Variants in BCAR3 observed in about 807,000 individuals in gnomAD.
BCAR3 encodes breast cancer anti-estrogen resistance protein 3.
Under a neutral mutation model 80.1 loss-of-function variants are expected in BCAR3, and 37 were observed. The observed-to-expected ratio is 0.46, with a 90% CI of 0.36 to 0.61. BCAR3 has a LOEUF of 0.61. Among genes scored for constraint, BCAR3 ranks in the 20% least tolerant of loss-of-function variants. The probability of loss-of-function intolerance (pLI) is 0.00; values close to 1 mark genes in which losing one functional copy is unlikely to be tolerated. For synonymous variants in BCAR3, 389 were observed against 418.9 expected, an observed-to-expected ratio of 0.93 and a Z score of 0.87; for missense variants, 978 against 1,068.2, an observed-to-expected ratio of 0.92 and a Z score of 1.18.
chr1:93,790,808 C>G (rs1271984583), intron 2 of BCAR3, among the ~76,000 whole-genome samples: 1 of 84,842 alleles, frequency 1.2e-5, no homozygotes, highest in African/African-American at 5.6e-5. Flanking sequence ...CCCCCCTCCC[C>G]CGACCCCACC....
chr1:93,570,962 G>A (rs192201710), intron 9 of BCAR3, among the ~76,000 whole-genome samples: 13 of 152,310 alleles, frequency 8.5e-5, no homozygotes, highest in Admixed American at 7.8e-4. Flanking sequence ...CCAGCACTTT[G>A]GGAGGCCGAG....
chr1:93,703,272 G>C (rs1185563645), intron 3 of BCAR3, among the ~76,000 whole-genome samples: 1 of 152,126 alleles, frequency 6.6e-6, no homozygotes, highest in Non-Finnish European at 1.5e-5. Flanking sequence ...TGTGTATTAG[G>C]GATTTTTAAA....
intron 4 of BCAR3, among the ~76,000 whole-genome samples, chr1:93,589,977 T>C (rs1280288587): frequency 6.6e-6 from 1 of 152,076 alleles, no homozygotes; most frequent in Non-Finnish European, 1.5e-5. Context: ...GAAAGAAGGG[T>C]ATTTGTTGGT....
rs386367697 is a variant in BCAR3 at position 93,618,939 on chromosome 1, GT to G, written c.357+23364del. On this transcript the variant is annotated intron_variant, in intron 3 of 11. Coordinates refer to ENST00000260502, the MANE Select transcript of BCAR3 (RefSeq NM_003567.4). The stretch of plus-strand genomic sequence containing the variant: ...GAAGCCGTGGGTTTTTTTTTTTTTT[GT>G]TTTTTTTTTTTTAATCTGAGACGGA... Among the ~76,000 whole-genome samples, 186 of 119,498 alleles carry G rather than the reference GT, an allele frequency of 1.6e-3. 1 individual carries two copies. In the East Asian group the frequency reaches 0.036, roughly 23 times the overall value. The allele number at this position is 119,498 out of a possible 152,430, so 78.4% of individuals were successfully genotyped here.
chr1:93,598,196 A>T (rs1251332697), intron 3 of BCAR3, among the ~76,000 whole-genome samples: 2 of 152,166 alleles, frequency 1.3e-5, no homozygotes, highest in African/African-American at 4.8e-5. Context: ...CTGCATTTCA[A>T]ATCAGGCACA....
intron 3 of BCAR3, among the ~76,000 whole-genome samples, chr1:93,632,640 G>A (rs1445817518): frequency 1.3e-5 from 2 of 152,130 alleles, no homozygotes; most frequent in African/African-American, 4.8e-5. Context: ...ACCATTATAG[G>A]AAAAGCAGCC....
chr1:93,811,783 T>C (rs1653853735), intron 2 of BCAR3, among the ~76,000 whole-genome samples: 1 of 152,238 alleles, frequency 6.6e-6, no homozygotes, highest in Non-Finnish European at 1.5e-5. Flanking sequence ...CTGTCATTTG[T>C]TCTACATTCT....
chr1:93,601,378 T>C (rs1056208583), intron 3 of BCAR3, among the ~76,000 whole-genome samples: 3 of 152,248 alleles, frequency 2.0e-5, no homozygotes, highest in African/African-American at 7.2e-5. Context: ...TGTTTATTCG[T>C]TTATTTCAGT....
At chr1:93,781,054 G>A (rs1488469379) in intron 2 of BCAR3, among the ~76,000 whole-genome samples, 1 of 152,232 alleles carries the variant, frequency 6.6e-6, no homozygotes, top group Non-Finnish European at 1.5e-5. Context: ...CATGTATAGA[G>A]CTGTGGAGTG....
At chr1:93,766,802 TG>T (rs751278785) in intron 2 of BCAR3, among the ~76,000 whole-genome samples, 22 of 152,256 alleles carry the variant, frequency 1.4e-4, no homozygotes, top group Admixed American at 6.5e-5. Context: ...TCTGATTAAC[TG>T]GGGCCAATTC....
At chr1:93,573,348 T>A (rs113686430) in intron 8 of BCAR3, among the ~76,000 whole-genome samples, 1 of 151,970 alleles carries the variant, frequency 6.6e-6, no homozygotes, top group African/African-American at 2.4e-5. Flanking sequence ...AGTGAGCAGA[T>A]TGCGCCACTG....
At chr1:93,778,160 A>C (rs551868730) in intron 2 of BCAR3, among the ~76,000 whole-genome samples, 1 of 152,276 alleles carries the variant, frequency 6.6e-6, no homozygotes, top group East Asian at 1.9e-4. Flanking sequence ...TTTCTGAAAT[A>C]AACCCTGGTT....
chr1:93,634,918 G>A (rs1256373475), intron 3 of BCAR3, among the ~76,000 whole-genome samples: 1 of 152,116 alleles, frequency 6.6e-6, no homozygotes, highest in Non-Finnish European at 1.5e-5. Flanking sequence ...CTAACACAAT[G>A]TGTGTTTCTG....
At chr1:93,578,196 C>T (rs1313135023) in intron 7 of BCAR3, among the ~76,000 whole-genome samples, 2 of 152,168 alleles carry the variant, frequency 1.3e-5, no homozygotes, top group Admixed American at 6.5e-5. Flanking sequence ...GGCTGCTGCA[C>T]GGACCCAGGA....
chr1:93,833,941 A>T (rs1654673313), intron 2 of BCAR3, among the ~76,000 whole-genome samples: 1 of 152,212 alleles, frequency 6.6e-6, no homozygotes, highest in African/African-American at 2.4e-5. Context: ...ATGTCCATGA[A>T]ATCTTCAAAA....
intron 2 of BCAR3, among the ~76,000 whole-genome samples, chr1:93,769,623 T>C (rs2100740224): frequency 6.6e-6 from 1 of 151,464 alleles, no homozygotes; most frequent in East Asian, 1.9e-4. Flanking sequence ...CTCTGGGAGG[T>C]GTTTTCCTCT....
At chr1:93,760,700 C>T (rs1358217684) in intron 2 of BCAR3, among the ~76,000 whole-genome samples, 2 of 152,160 alleles carry the variant, frequency 1.3e-5, no homozygotes, top group South Asian at 2.1e-4. Flanking sequence ...CATGGCCAGG[C>T]TCCTTCTGTG....
At chr1:93,717,997 G>A (rs1650248718) in intron 2 of BCAR3, among the ~76,000 whole-genome samples, 1 of 152,184 alleles carries the variant, frequency 6.6e-6, no homozygotes, top group Non-Finnish European at 1.5e-5. Context: ...AGACAGGGAA[G>A]CCTAAAGTTC....
intron 2 of BCAR3, 108 bp from the exon 3 acceptor site, chr1:93,642,451 G>C: frequency 9.1e-7 from 1 of 1,097,924 alleles, no homozygotes; most frequent in East Asian, 2.4e-5. Flanking sequence ...TACTAAGCTG[G>C]GCCCCATCTC....
Sources: allele counts gnomAD v4.1 joint callset (sites outside exome capture counted in the v4.1 genomes callset), GRCh38; gene constraint gnomAD v4.1.1; transcripts MANE v1.5; gene names NCBI Gene and HGNC (gene_info 2026-07-23, HGNC 2026-07-21).